Variants in IFT25 observed in about 807,000 individuals in gnomAD.
The protein encoded by IFT25 is intraflagellar transport protein 25 homolog.
chr1:53,924,685 A>C, the IFT25 span, among the ~76,000 whole-genome samples: 2 of 152,100 alleles, frequency 1.3e-5, no homozygotes, highest in African/African-American at 2.4e-5. Flanking sequence ...AAATACAAAA[A>C]AATTAGCCGG....
the IFT25 span, among the ~76,000 whole-genome samples, chr1:53,926,077 CAAAAAAAAAAAAA>C: frequency 1.8e-5 from 1 of 54,130 alleles, no homozygotes; most frequent in Non-Finnish European, 4.0e-5. Context: ...ACTCCAGTCT[CAAAAAAAAAAAAA>C]AAAAAAAAGT....
chr1:53,923,226 T>G, the IFT25 span, among the ~76,000 whole-genome samples: 1 of 152,184 alleles, frequency 6.6e-6, no homozygotes, highest in Admixed American at 6.5e-5. Context: ...TGTGAAGAAG[T>G]AAACTTAATG....
the IFT25 span, among the ~76,000 whole-genome samples, chr1:53,934,825 C>T: frequency 6.6e-6 from 1 of 152,024 alleles, no homozygotes; most frequent in Non-Finnish European, 1.5e-5. Context: ...ATGGTAAAAC[C>T]CTGTCTCTAC....
chr1:53,936,799 ACTT>A, the IFT25 span, among the ~76,000 whole-genome samples: 1 of 151,654 alleles, frequency 6.6e-6, no homozygotes. Context: ...CTAGTGTAGA[ACTT>A]CTTTTCCCCT....
At chr1:53,919,692 G>T in the IFT25 span, among the ~76,000 whole-genome samples, 1 of 152,154 alleles carries the variant, frequency 6.6e-6, no homozygotes, top group East Asian at 1.9e-4. Flanking sequence ...AATAGATTCA[G>T]ATCCCTGCAT....
the IFT25 span, among the ~76,000 whole-genome samples, chr1:53,937,823 C>T: frequency 1.3e-5 from 2 of 152,174 alleles, no homozygotes; most frequent in African/African-American, 2.4e-5. Flanking sequence ...TCTGTGTATC[C>T]TTAAAGCAGT....
chr1:53,914,925 G>A, the IFT25 span, among the ~76,000 whole-genome samples: 2 of 152,188 alleles, frequency 1.3e-5, no homozygotes, highest in Non-Finnish European at 2.9e-5. Flanking sequence ...TCTTTGCCTA[G>A]ACTTGGTACA....
At chr1:53,940,086 A>T in the IFT25 span, 4 of 1,546,292 alleles carry the variant, frequency 2.6e-6, no homozygotes, top group Admixed American at 7.2e-5. Flanking sequence ...TTCTCATCTT[A>T]AAGTGTTTAA....
the IFT25 span, among the ~76,000 whole-genome samples, chr1:53,937,879 A>C: frequency 6.6e-6 from 1 of 152,218 alleles, no homozygotes; most frequent in East Asian, 1.9e-4. Flanking sequence ...GATAGTAACT[A>C]TTACCTGAAT....
the IFT25 span, among the ~76,000 whole-genome samples, chr1:53,925,437 G>C: frequency 6.6e-6 from 1 of 151,426 alleles, no homozygotes; most frequent in Non-Finnish European, 1.5e-5. Flanking sequence ...GAGGCGGGCA[G>C]ATCACAAGGT....
the IFT25 span, among the ~76,000 whole-genome samples, chr1:53,921,359 T>A: frequency 6.6e-6 from 1 of 152,156 alleles, no homozygotes; most frequent in Non-Finnish European, 1.5e-5. Context: ...TGCACTACGA[T>A]CTGAAGAGCA....
At chr1:53,942,753 A>C in the IFT25 span, among the ~76,000 whole-genome samples, 10 of 152,232 alleles carry the variant, frequency 6.6e-5, no homozygotes, top group Non-Finnish European at 1.3e-4. Flanking sequence ...CTGTGCTAGT[A>C]GTGCAAAGAT....
At chr1:53,939,749 T>TA in the IFT25 span, 1 of 417,252 alleles carries the variant, frequency 2.4e-6, no homozygotes. Flanking sequence ...AAACCACTTC[T>TA]AAAAAAACCT....
the IFT25 span, among the ~76,000 whole-genome samples, chr1:53,927,737 TTGCTTCTTATTGACA>T: frequency 3.3e-5 from 5 of 152,334 alleles, no homozygotes; most frequent in Admixed American, 1.3e-4. Context: ...GCAAAGTGGC[TTGCTTCTTATTGACA>T]TGCTCCTTGT....
At chr1:53,929,938 T>G in the IFT25 span, 1 of 1,427,258 alleles carries the variant, frequency 7.0e-7, no homozygotes, top group Non-Finnish European at 9.1e-7. Flanking sequence ...CATATATGCC[T>G]TCTGCCTGTG....
chr1:53,943,899 G>T, the IFT25 span, among the ~76,000 whole-genome samples: 51 of 152,332 alleles, frequency 3.3e-4, no homozygotes, highest in African/African-American at 1.2e-3. Context: ...TGGGATTACA[G>T]AAGCTAGTCA....
chr1:53,944,803 A>T, the IFT25 span, among the ~76,000 whole-genome samples: 2 of 152,096 alleles, frequency 1.3e-5, no homozygotes, highest in African/African-American at 4.8e-5. Context: ...CTGATGCCTT[A>T]TCCTGTCTTC....
chr1:53,942,500 G>C, the IFT25 span, among the ~76,000 whole-genome samples: 1 of 152,142 alleles, frequency 6.6e-6, no homozygotes. Context: ...CAGTGACATA[G>C]CTGAGTCACT....
the IFT25 span, among the ~76,000 whole-genome samples, chr1:53,924,855 A>C: frequency 1.3e-5 from 2 of 152,302 alleles, no homozygotes; most frequent in South Asian, 4.1e-4. Flanking sequence ...ACAACAACAA[A>C]AAAGATAGCT....
Sources: allele counts gnomAD v4.1 joint callset (sites outside exome capture counted in the v4.1 genomes callset), GRCh38; gene constraint gnomAD v4.1.1; transcripts MANE v1.5; gene names NCBI Gene and HGNC (gene_info 2026-07-23, HGNC 2026-07-21).